MACROD2: variants seen among roughly 807,000 people sequenced by gnomAD.
MACROD2 encodes mono-ADP ribosylhydrolase 2, also known as ADP-ribose glycohydrolase MACROD2.
A neutral mutation model predicts 70.4 loss-of-function variants in MACROD2; 36 were observed. That is an observed-to-expected ratio of 0.51 (90% confidence interval 0.39 to 0.68). The LOEUF (loss-of-function observed/expected upper bound fraction) is 0.68. MACROD2 is among the 30% of genes least tolerant of loss of function. The pLI, the probability that MACROD2 is intolerant of heterozygous loss-of-function variation, is 0.00. For missense variants in MACROD2, 496 were observed against 538.4 expected, an observed-to-expected ratio of 0.92 and a Z score of 0.78; for synonymous variants, 172 against 178.8, an observed-to-expected ratio of 0.96 and a Z score of 0.30.
intron 6 of MACROD2, among the ~76,000 whole-genome samples, chr20:15,384,513 T>A (rs1447366344): frequency 6.6e-6 from 1 of 152,136 alleles, no homozygotes; most frequent in Admixed American, 6.6e-5. Flanking sequence ...ACATGAAACC[T>A]CGTAAGTGTG....
intron 5 of MACROD2, among the ~76,000 whole-genome samples, chr20:15,086,333 A>G (rs1377956118): frequency 2.0e-5 from 3 of 152,172 alleles, no homozygotes; most frequent in Non-Finnish European, 4.4e-5. Context: ...AAGTTTTATG[A>G]AAAGCATTTT....
At chr20:14,924,936 C>T (rs569860733) in intron 5 of MACROD2, among the ~76,000 whole-genome samples, 2 of 152,110 alleles carry the variant, frequency 1.3e-5, no homozygotes, top group East Asian at 1.9e-4. Context: ...TTTTTATTCC[C>T]GATTGCCTTG....
chr20:15,603,788 A>C (rs2048856776), intron 8 of MACROD2, among the ~76,000 whole-genome samples: 1 of 152,182 alleles, frequency 6.6e-6, no homozygotes, highest in African/African-American at 2.4e-5. Context: ...GCCAGCAAAG[A>C]TTATTCATGT....
intron 8 of MACROD2, among the ~76,000 whole-genome samples, chr20:15,508,205 C>T (rs2047452913): frequency 6.6e-6 from 1 of 151,896 alleles, no homozygotes; most frequent in South Asian, 2.1e-4. Context: ...CCCTCCTGAA[C>T]CTAGTACTAT....
intron 6 of MACROD2, among the ~76,000 whole-genome samples, chr20:15,244,118 T>C (rs1340810570): frequency 6.6e-6 from 1 of 152,212 alleles, no homozygotes; most frequent in African/African-American, 2.4e-5. Flanking sequence ...ATGTCTATTA[T>C]ATTTATATGG....
chr20:14,236,918 A>C (rs1208451874), intron 3 of MACROD2, among the ~76,000 whole-genome samples: 2 of 152,246 alleles, frequency 1.3e-5, no homozygotes, highest in East Asian at 1.9e-4. Context: ...TCTTGGATCT[A>C]ATTCCTTCTT....
chr20:15,017,166 T>C (rs2075128003), intron 5 of MACROD2, among the ~76,000 whole-genome samples: 1 of 152,108 alleles, frequency 6.6e-6, no homozygotes, highest in Admixed American at 6.5e-5. Flanking sequence ...AGAAGCAAGG[T>C]AGTTACTTCC....
chr20:15,113,837 G>A lies in MACROD2; in HGVS notation c.419-116103G>A, dbSNP rs548248299. ...TTTCAGCTGTTCTTTTTATTTTTAT[G>A]GAACAGGATATCTCCAGATGATTTC... On this transcript the variant is annotated intron_variant, in intron 5 of 17. Transcript: ENST00000684519. 8.6e-5 allele frequency among the ~76,000 whole-genome samples: 13 copies of A among 150,734 alleles called. No individual in the cohort carries two copies. In the South Asian group the frequency reaches 2.5e-3, roughly 29 times the overall value.
At chr20:15,798,173 C>G (rs1396710517) in intron 8 of MACROD2, among the ~76,000 whole-genome samples, 1 of 152,094 alleles carries the variant, frequency 6.6e-6, no homozygotes, top group Non-Finnish European at 1.5e-5. Flanking sequence ...CAAATTATTC[C>G]ACTTTATGTT....
At chr20:14,390,918 A>G (rs1477611580) in intron 3 of MACROD2, among the ~76,000 whole-genome samples, 1 of 152,212 alleles carries the variant, frequency 6.6e-6, no homozygotes, top group Non-Finnish European at 1.5e-5. Context: ...CAAAACCACA[A>G]TGAGATACCA....
intron 15 of MACROD2, among the ~76,000 whole-genome samples, chr20:16,026,553 C>T (rs1303270736): frequency 1.3e-5 from 2 of 152,194 alleles, no homozygotes; most frequent in Non-Finnish European, 2.9e-5. Context: ...CTGCAAGGCT[C>T]TCTCACCACT....
intron 10 of MACROD2, among the ~76,000 whole-genome samples, chr20:15,913,987 CTG>C: frequency 6.6e-6 from 1 of 152,230 alleles, no homozygotes; most frequent in East Asian, 1.9e-4. Context: ...GTTTGTTTTC[CTG>C]TGTGTGCATG....
intron 4 of MACROD2, among the ~76,000 whole-genome samples, chr20:14,605,934 AT>A (rs1982772485): frequency 6.6e-6 from 1 of 152,144 alleles, no homozygotes; most frequent in East Asian, 1.9e-4. Context: ...TACGTGTAAA[AT>A]TTTTTGTGTC....
intron 3 of MACROD2, among the ~76,000 whole-genome samples, chr20:14,429,974 T>C (rs1292722985): frequency 6.6e-6 from 1 of 152,182 alleles, no homozygotes; most frequent in African/African-American, 2.4e-5. Context: ...CTTTCCATTT[T>C]CTTATATTTC....
chr20:14,585,314 G>C (rs1208696942), intron 4 of MACROD2, among the ~76,000 whole-genome samples: 1 of 152,056 alleles, frequency 6.6e-6, no homozygotes, highest in Non-Finnish European at 1.5e-5. Context: ...TGAAAATTAT[G>C]GAGTGCTAAC....
chr20:14,604,794 G>C (rs1339050064), intron 4 of MACROD2, among the ~76,000 whole-genome samples: 1 of 152,156 alleles, frequency 6.6e-6, no homozygotes, highest in Non-Finnish European at 1.5e-5. Flanking sequence ...ATCTTTGGTT[G>C]TCTTCCAAAT....
chr20:14,725,369 G>T (rs988994427), intron 5 of MACROD2, among the ~76,000 whole-genome samples: 3 of 151,964 alleles, frequency 2.0e-5, no homozygotes, highest in African/African-American at 7.3e-5. Context: ...GAATGGAGAT[G>T]GAAAAAAGAA....
chr20:14,707,599 G>A lies in MACROD2; in HGVS notation c.418+22640G>A, dbSNP rs534696918. ...GAGGCTCACTCACCACAGGCATAAA[G>A]ATCGGGGTGAATTTCCCAGCCGCCT... On this transcript the variant is annotated intron_variant, in intron 5 of 17. Coordinates refer to ENST00000684519, the MANE Select transcript of MACROD2 (RefSeq NM_001351661.2). Among the ~76,000 whole-genome samples the A allele has an allele frequency of 5.3e-5, 8 of 152,256 alleles. No homozygotes were observed. The South Asian group carries it at 1.7e-3, about 32-fold the overall frequency.
At chr20:14,863,876 C>A (rs1844725012) in intron 5 of MACROD2, among the ~76,000 whole-genome samples, 2 of 152,094 alleles carry the variant, frequency 1.3e-5, no homozygotes, top group Admixed American at 1.3e-4. Context: ...AACCCACTTA[C>A]AAACTCTAAA....
Sources: allele counts gnomAD v4.1 joint callset (sites outside exome capture counted in the v4.1 genomes callset), GRCh38; gene constraint gnomAD v4.1.1; transcripts MANE v1.5; gene names NCBI Gene and HGNC (gene_info 2026-07-23, HGNC 2026-07-21).